The following NR3C2 variants were observed in gnomAD, a reference collection of about 807,000 sequenced individuals.
NR3C2 encodes mineralocorticoid receptor.
Under a neutral mutation model 86.4 loss-of-function variants are expected in NR3C2, and 15 were observed. The observed-to-expected ratio is 0.17, with a 90% CI of 0.12 to 0.27. The LOEUF (loss-of-function observed/expected upper bound fraction) is 0.27. Among genes scored for constraint, NR3C2 ranks in the 10% least tolerant of loss-of-function variants. NR3C2 has a pLI of 1.00. For missense variants in NR3C2, 960 were observed against 1,195.6 expected, an observed-to-expected ratio of 0.80 and a Z score of 2.91; for synonymous variants, 458 against 450.5, an observed-to-expected ratio of 1.02 and a Z score of -0.21.
chr4:148,178,932 T>TAAAAAAAAAAAAAAAAAAAAAAA (rs58576220), intron 4 of NR3C2, among the ~76,000 whole-genome samples: 5 of 95,298 alleles, frequency 5.2e-5, no homozygotes, highest in Non-Finnish European at 9.2e-5. Flanking sequence ...AAGAAGCAGG[T>TAAAAAAAAAAAAAAAAAAAAAAA]AAAAAAAAAA....
chr4:148,234,666 CAGTG>C (rs1367931761), intron 3 of NR3C2, among the ~76,000 whole-genome samples: 1 of 137,862 alleles, frequency 7.3e-6, no homozygotes, highest in African/African-American at 2.8e-5. Flanking sequence ...CTGGGCGACA[CAGTG>C]AGACTCCAAC....
At chr4:148,307,957 T>C (rs1742716274) in intron 2 of NR3C2, among the ~76,000 whole-genome samples, 1 of 151,810 alleles carries the variant, frequency 6.6e-6, no homozygotes, top group African/African-American at 2.4e-5. Context: ...AGGTGCAGGA[T>C]CAGAGGAAAA....
chr4:148,105,982 C>T (rs1731779515), intron 8 of NR3C2, among the ~76,000 whole-genome samples: 1 of 152,172 alleles, frequency 6.6e-6, no homozygotes, highest in African/African-American at 2.4e-5. Context: ...CAAGGATGCC[C>T]TCTCTCACCA....
At chr4:148,289,225 G>T (rs1337247333) in intron 2 of NR3C2, among the ~76,000 whole-genome samples, 2 of 131,134 alleles carry the variant, frequency 1.5e-5, no homozygotes, top group Non-Finnish European at 3.2e-5. Flanking sequence ...GAAATATTTA[G>T]AAGTAAAAAA....
chr4:148,445,105 C>T (rs1250043794), upstream of NR3C2: 13 of 605,536 alleles, frequency 2.1e-5, no homozygotes, highest in Non-Finnish European at 2.7e-5. Context: ...CCTCCCACTA[C>T]GGCCACTGAC....
intron 2 of NR3C2, among the ~76,000 whole-genome samples, chr4:148,264,934 G>C (rs1216785310): frequency 2.0e-5 from 3 of 152,116 alleles, no homozygotes; most frequent in Admixed American, 2.0e-4. Flanking sequence ...TGGTTAAAAT[G>C]TCTGAATAAA....
rs182743535 is a variant in NR3C2, at chr4:148,389,975, C to T, written c.1757+45129G>A. ...CCTTTTATATACACAAATTTAAGAG[C>T]GTGTAATACAATCGTTCAAACTGTT... On this transcript the variant is annotated intron_variant, in intron 2 of 8. Transcript: ENST00000358102. Among the ~76,000 whole-genome samples the T allele has an allele frequency of 3.6e-3, 549 of 151,926 alleles. 4 individuals carry two copies. The highest frequency in any genetic ancestry group is 6.4e-3 in the Non-Finnish European group (432 of 67,948).
chr4:148,277,534 A>G (rs890133406), intron 2 of NR3C2, among the ~76,000 whole-genome samples: 1 of 152,174 alleles, frequency 6.6e-6, no homozygotes, highest in African/African-American at 2.4e-5. Flanking sequence ...CGAGCAACAC[A>G]GCAAGACCCC....
At chr4:148,122,350 C>G (rs1016010603) in intron 6 of NR3C2, among the ~76,000 whole-genome samples, 6 of 152,130 alleles carry the variant, frequency 3.9e-5, no homozygotes, top group Admixed American at 1.3e-4. Flanking sequence ...CTTTTTCTTG[C>G]TCTCTTTAGA....
intron 3 of NR3C2, among the ~76,000 whole-genome samples, chr4:148,252,266 A>G (rs1026795277): frequency 6.6e-6 from 1 of 152,226 alleles, no homozygotes; most frequent in Non-Finnish European, 1.5e-5. Flanking sequence ...AGTCTTGTTA[A>G]GAAATAGTCA....
At chr4:148,207,346 G>T (rs980189883) in intron 3 of NR3C2, among the ~76,000 whole-genome samples, 1 of 152,196 alleles carries the variant, frequency 6.6e-6, no homozygotes, top group Non-Finnish European at 1.5e-5. Flanking sequence ...ATGCTCACTA[G>T]AATCACCTGG....
chr4:148,422,165 T>C (rs1749314369), intron 2 of NR3C2, among the ~76,000 whole-genome samples: 1 of 152,218 alleles, frequency 6.6e-6, no homozygotes, highest in African/African-American at 2.4e-5. Flanking sequence ...ACCTTACACA[T>C]AGCAACCAAG....
chr4:148,375,486 A>C (rs1579222958), intron 2 of NR3C2, among the ~76,000 whole-genome samples: 1 of 151,860 alleles, frequency 6.6e-6, no homozygotes, highest in Admixed American at 6.6e-5. Context: ...ACCCTGCAAA[A>C]TTTAAAGTAT....
intron 2 of NR3C2, among the ~76,000 whole-genome samples, chr4:148,327,247 T>C (rs1005731059): frequency 6.6e-5 from 10 of 152,120 alleles, no homozygotes; most frequent in South Asian, 2.1e-4. Flanking sequence ...CTGATTTGTC[T>C]GGAAAAAAAG....
At chr4:148,397,620 C>CA (rs983485193) in intron 2 of NR3C2, among the ~76,000 whole-genome samples, 10 of 152,112 alleles carry the variant, frequency 6.6e-5, no homozygotes, top group South Asian at 2.1e-4. Flanking sequence ...AATTCTAATA[C>CA]AAAAAACTCC....
intron 2 of NR3C2, among the ~76,000 whole-genome samples, chr4:148,393,001 C>T (rs1747669573): frequency 6.6e-6 from 1 of 152,068 alleles, no homozygotes; most frequent in African/African-American, 2.4e-5. Context: ...GTATTGTTTC[C>T]ATACAAGTTT....
In NR3C2 at chr4:148,396,322, A is replaced by C. The variant is rs549944235; in HGVS notation, c.1757+38782T>G. On this transcript the variant is annotated intron_variant, in intron 2 of 8. Transcript: ENST00000358102. ...ACTTACGAGTAATAAAACTTGAAATAGTTGTGTTTTCCCTGGGGCAAAGTT... is the reference window on the plus strand; with the variant it reads ...ACTTACGAGTAATAAAACTTGAAATCGTTGTGTTTTCCCTGGGGCAAAGTT... Among the ~76,000 whole-genome samples the C allele has an allele frequency of 2.0e-5, 3 of 152,322 alleles. No individual in the cohort carries two copies. In the East Asian group the frequency reaches 5.8e-4, roughly 29 times the overall value.
chr4:148,273,121 T>G (rs887789953), intron 2 of NR3C2, among the ~76,000 whole-genome samples: 1 of 152,204 alleles, frequency 6.6e-6, no homozygotes, highest in Admixed American at 6.5e-5. Context: ...CTCCATTTTA[T>G]TAAATGGAAA....
At chr4:148,443,457 G>C (rs1750453586), upstream of NR3C2, among the ~76,000 whole-genome samples, 1 of 151,996 alleles carries the variant, frequency 6.6e-6, no homozygotes, top group Admixed American at 6.5e-5. Context: ...AGACAGGAGG[G>C]GGGAAGGAAC....
Sources: allele counts gnomAD v4.1 joint callset (sites outside exome capture counted in the v4.1 genomes callset), GRCh38; gene constraint gnomAD v4.1.1; transcripts MANE v1.5; gene names NCBI Gene and HGNC (gene_info 2026-07-23, HGNC 2026-07-21).